RAB6A: variants seen among roughly 807,000 people sequenced by gnomAD.
RAB6A encodes the protein RAB6A, member RAS oncogene family.
In RAB6A, 8 loss-of-function variants were observed where a neutral mutation model predicts 32.3. The ratio of observed to expected loss-of-function variants is 0.25; its 90% CI spans 0.15 to 0.45. RAB6A has a LOEUF of 0.45. Ranked by LOEUF, RAB6A falls within the 20% of genes least tolerant of loss-of-function variation. The pLI is 1.00. For synonymous variants in RAB6A, 73 were observed against 82.1 expected (o/e 0.89, Z 0.60); for missense variants, 104 against 249.4 (o/e 0.42, Z 3.93).
chr11:73,677,691 T>C lies in RAB6A; in HGVS notation c.*207A>G. On this transcript the variant is annotated 3_prime_UTR_variant, in exon 8 of 8. Coordinates refer to ENST00000336083, the MANE Select transcript of RAB6A (RefSeq NM_198896.2). ...GAATATGCTGAAATATTTTGGCTTT[T>C]TGTAAAATATAAATAATGAAGACAC... is the stretch of plus-strand genomic sequence containing the variant. 2.9e-6 allele frequency: 4 copies of C among 1,356,848 alleles called. No homozygotes were observed. Among genetic ancestry groups the C allele is most frequent in the Non-Finnish European group, 3.0e-6 (3 of 1,010,754 alleles). 84.1% of individuals were successfully genotyped at this position (1,356,848 alleles called of 1,614,324 possible).
At chr11:73,733,126 A>T (rs1295809890) in intron 1 of RAB6A, among the ~76,000 whole-genome samples, 1 of 152,062 alleles carries the variant, frequency 6.6e-6, no homozygotes, top group African/African-American at 2.4e-5. Context: ...TATTTTCTTC[A>T]TGGCATCTGG....
At chr11:73,707,361 T>TA (rs1299762506) in intron 6 of RAB6A, 59 bp downstream of exon 6, 1 of 1,263,018 alleles carries the variant, frequency 7.9e-7, no homozygotes, top group African/African-American at 1.5e-5. Flanking sequence ...CACCAGAGAA[T>TA]AGAATACTCA....
chr11:73,702,717 G>A (rs118188135), intron 6 of RAB6A, among the ~76,000 whole-genome samples: 3,611 of 152,120 alleles, frequency 0.024, 75 homozygotes, highest in Non-Finnish European at 0.04. Flanking sequence ...TAAACATTGG[G>A]AAATTAACAA....
rs41298115 is a variant in RAB6A, at chr11:73,677,911, C to G, written c.614G>C (p.Gly205Ala). 7,142 of 1,614,166 alleles carry G rather than the reference C, an allele frequency of 4.4e-3. 18 individuals are homozygous for G. The highest frequency in any genetic ancestry group is 5.5e-3 in the Non-Finnish European group (6,460 of 1,180,016). ...KPQEQPVSEG[G>A]CSC ...TGACATGGGAGATTAGCAGGAACAG[C>G]CTCCTTCACTGACTGGTTGCTCCTG... The change falls in exon 8 of 8, where the codon GGC becomes GCC. Residue 205 changes from glycine (G) to alanine (A), a missense_variant. Physicochemically the swap from Gly to Ala is moderately conservative, Grantham distance 60. Coordinates refer to ENST00000336083, the MANE Select transcript of RAB6A (RefSeq NM_198896.2).
At chr11:73,726,364 C>T (rs1306915361) in intron 2 of RAB6A, among the ~76,000 whole-genome samples, 14 of 150,074 alleles carry the variant, frequency 9.3e-5, no homozygotes, top group African/African-American at 2.9e-4. Flanking sequence ...GGGTGGATCA[C>T]GAGGTCAGGA....
At chr11:73,694,605 G>A (rs2134891951) in intron 6 of RAB6A, among the ~76,000 whole-genome samples, 1 of 152,318 alleles carries the variant, frequency 6.6e-6, no homozygotes, top group African/African-American at 2.4e-5. Flanking sequence ...GGGTGCAGTG[G>A]CTCATGCCTG....
intron 1 of RAB6A, among the ~76,000 whole-genome samples, chr11:73,739,148 G>C (rs1386619963): frequency 6.8e-6 from 1 of 147,466 alleles, no homozygotes; most frequent in East Asian, 2.0e-4. Context: ...AGGATGCTGA[G>C]GCACAAGAAT....
intron 6 of RAB6A, among the ~76,000 whole-genome samples, chr11:73,685,030 A>AT (rs1314998977): frequency 6.6e-6 from 1 of 152,244 alleles, no homozygotes; most frequent in Non-Finnish European, 1.5e-5. Flanking sequence ...TGAAATTGAA[A>AT]GGTATTAAGC....
At chr11:73,719,443 C>CGCGCACGCATGCACGCGTGTGTGT (rs1565363259) in intron 3 of RAB6A, among the ~76,000 whole-genome samples, 1 of 152,128 alleles carries the variant, frequency 6.6e-6, no homozygotes, top group East Asian at 1.9e-4. Flanking sequence ...CGAGTGTGTG[C>CGCGCACGCATGCACGCGTGTGTGT]GCGCACGCAT....
chr11:73,728,610 A>AAATAATAATAATAAT (rs71065031), intron 2 of RAB6A, among the ~76,000 whole-genome samples: 28,691 of 136,098 alleles, frequency 0.21, 3,270 homozygotes, highest in Non-Finnish European at 0.23. Context: ...GTCTTTGTTT[A>AAATAATAATAATAAT]AATAATAATA....
At chr11:73,727,455 C>T (rs930470492) in intron 2 of RAB6A, among the ~76,000 whole-genome samples, 18 of 150,120 alleles carry the variant, frequency 1.2e-4, no homozygotes, top group African/African-American at 4.1e-4. Flanking sequence ...ACTTTTTTTT[C>T]CCCCAAAAAA....
intron 1 of RAB6A, among the ~76,000 whole-genome samples, chr11:73,731,381 A>G (rs563295715): frequency 6.6e-6 from 1 of 151,818 alleles, no homozygotes; most frequent in Admixed American, 6.6e-5. Context: ...TGTCTCTACT[A>G]AAAATACAAA....
chr11:73,687,327 A>T (rs1945475381), intron 6 of RAB6A, among the ~76,000 whole-genome samples: 1 of 152,144 alleles, frequency 6.6e-6, no homozygotes, highest in Admixed American at 6.6e-5. Context: ...CTATAGTGTG[A>T]ATGTACTTTA....
At chr11:73,756,642 C>T (rs979323740) in intron 1 of RAB6A, among the ~76,000 whole-genome samples, 11 of 152,114 alleles carry the variant, frequency 7.2e-5, no homozygotes, top group Non-Finnish European at 1.6e-4. Context: ...AAAACAGACT[C>T]CTCAAGGAAA....
chr11:73,697,312 C>A (rs1945669680), intron 6 of RAB6A, among the ~76,000 whole-genome samples: 1 of 151,932 alleles, frequency 6.6e-6, no homozygotes, highest in Non-Finnish European at 1.5e-5. Context: ...TCTTACCCTA[C>A]TTTATTTTTC....
intron 6 of RAB6A, among the ~76,000 whole-genome samples, chr11:73,688,982 G>C (rs1402035680): frequency 6.6e-6 from 1 of 152,140 alleles, no homozygotes; most frequent in African/African-American, 2.4e-5. Context: ...AATTAGCCAG[G>C]TGTGGTGGTA....
chr11:73,715,592 T>C (rs1946040392), intron 5 of RAB6A, among the ~76,000 whole-genome samples: 2 of 152,230 alleles, frequency 1.3e-5, no homozygotes, highest in Non-Finnish European at 2.9e-5. Flanking sequence ...AAGCTCTTAC[T>C]ATTAAGTAGT....
intron 6 of RAB6A, among the ~76,000 whole-genome samples, chr11:73,696,918 A>G (rs1014997375): frequency 3.3e-5 from 5 of 151,964 alleles, no homozygotes; most frequent in African/African-American, 1.2e-4. Context: ...TTACTTTTAA[A>G]TTTTAAGTGA....
At chr11:73,696,541 C>G (rs1945658755) in intron 6 of RAB6A, among the ~76,000 whole-genome samples, 1 of 152,064 alleles carries the variant, frequency 6.6e-6, no homozygotes, top group African/African-American at 2.4e-5. Flanking sequence ...GGTAGTATTT[C>G]TTAAATGAAA....
Sources: gnomAD v4.1 joint callset for allele counts (sites outside exome capture counted in the v4.1 genomes callset) on GRCh38, gnomAD v4.1.1 for gene constraint, MANE v1.5 for transcripts, NCBI Gene and HGNC (gene_info 2026-07-23, HGNC 2026-07-21) for gene names.